The following PSAP variants were observed in gnomAD, a reference collection of about 807,000 sequenced individuals.
PSAP encodes precursor of saposins.
A neutral mutation model predicts 66.0 loss-of-function variants in PSAP; 25 were observed. That is an observed-to-expected ratio of 0.38 (90% confidence interval 0.28 to 0.53). The LOEUF (loss-of-function observed/expected upper bound fraction) is 0.53, where lower values mean the gene tolerates loss of function less well. PSAP is among the 20% of genes least tolerant of loss of function. The pLI, the probability that PSAP is intolerant of heterozygous loss-of-function variation, is 0.83. For missense variants in PSAP, 649 were observed against 668.8 expected (o/e 0.97, Z 0.33); for synonymous variants, 273 against 258.9 (o/e 1.05, Z -0.52).
chr10:71,845,438 G>A (rs900289327), intron 1 of PSAP, among the ~76,000 whole-genome samples: 1 of 152,046 alleles, frequency 6.6e-6, no homozygotes, highest in Non-Finnish European at 1.5e-5. Context: ...ACAATTTAAG[G>A]AGCAACAAGC....
intron 1 of PSAP, among the ~76,000 whole-genome samples, chr10:71,848,796 G>A (rs185002720): frequency 6.6e-6 from 1 of 152,194 alleles, no homozygotes. Context: ...ATCACAAAGG[G>A]GCCAGAGCTG....
chr10:71,851,001 C>G (rs868604867), intron 1 of PSAP, among the ~76,000 whole-genome samples, 181 bp downstream of exon 1: 8 of 152,274 alleles, frequency 5.3e-5, no homozygotes, highest in Non-Finnish European at 7.3e-5. Context: ...AGCCCGCCCC[C>G]CGCAGCCCCC....
intron 12 of PSAP, 53 bp from the exon 13 acceptor site, chr10:71,818,777 G>A (rs1842230969): frequency 4.2e-6 from 6 of 1,441,510 alleles, no homozygotes; most frequent in Non-Finnish European, 5.9e-6. Context: ...GCTGCCCGAT[G>A]TATCGCTTTC....
At chr10:71,822,929 T>C (rs1842334019) in intron 7 of PSAP, among the ~76,000 whole-genome samples, 1 of 151,400 alleles carries the variant, frequency 6.6e-6, no homozygotes, top group Admixed American at 6.6e-5. Flanking sequence ...ATACCCTGTC[T>C]CTGCCACACC....
At position 71,819,787 on chromosome 10, in the gene PSAP, C is replaced by T. The variant is rs1253208545; in HGVS notation, c.1119G>A (p.Leu373=). The T allele has an allele frequency of 6.2e-7, 1 of 1,614,098 alleles. No individual in the cohort carries two copies. The highest frequency in any genetic ancestry group is 1.1e-5 in the South Asian group (1 of 91,086). The change falls in exon 10 of 14, where the codon CTG becomes CTA. Residue 373 remains leucine, a synonymous_variant. Coordinates refer to ENST00000394936, the MANE Select transcript of PSAP (RefSeq NM_002778.4). ...TYGSSILSIL[L]EEVSPELVCS... is the part of the protein sequence containing the mutation. ...ACACCAGCTCAGGGCTGACCTCCTCCAGCAGGATGGACAGGATGGAGCTGC... is the reference window on the plus strand; with the variant it reads ...ACACCAGCTCAGGGCTGACCTCCTCTAGCAGGATGGACAGGATGGAGCTGC...
rs1186845063 is a variant in PSAP at position 71,817,442 on chromosome 10, T to C, written c.1574A>G (p.Ter525TrpextTer63). Reference protein sequence around the residue: ...VEHCKRHVWN* With the variant: ...VEHCKRHVWNW Reference sequence around the variant, plus strand: ...TGCCAAGATGGAATATTCCTCCTCCTAGTTCCACACATGGCGTTTGCAATG... The same window carrying C: ...TGCCAAGATGGAATATTCCTCCTCCCAGTTCCACACATGGCGTTTGCAATG... Residue 525 changes from the stop codon to tryptophan (W), a stop_lost, in exon 14 of 14, where the codon TAG (stop) becomes TGG (tryptophan). Transcript: ENST00000394936. The C allele has an allele frequency of 1.1e-5, 17 of 1,613,976 alleles. No homozygotes were observed. Among genetic ancestry groups the C allele is most frequent in the Non-Finnish European group, 1.4e-5 (16 of 1,179,946 alleles).
rs1041378823 is a variant in PSAP, at chr10:71,825,177, T to C, written c.777+660A>G. 2.6e-5 allele frequency among the ~76,000 whole-genome samples: 4 copies of C among 152,152 alleles called. No homozygotes were observed. The East Asian group carries it at 7.7e-4, about 29-fold the overall frequency. ...GAGAACAAACTCAAACGCTGGTATG[T>C]CAATCTCAAGTAGTCAGAAAGCATG... is the stretch of plus-strand genomic sequence containing the variant. On this transcript the variant is annotated intron_variant, in intron 7 of 13. Coordinates refer to ENST00000394936, the MANE Select transcript of PSAP (RefSeq NM_002778.4).
intron 11 of PSAP, 79 bp from the exon 12 acceptor site, chr10:71,819,190 T>C: frequency 7.7e-7 from 1 of 1,293,974 alleles, no homozygotes; most frequent in Non-Finnish European, 1.1e-6. Context: ...AGGCAGGCCC[T>C]GGATACACTG....
At chr10:71,827,526 A>G (rs1192907326) in intron 6 of PSAP, among the ~76,000 whole-genome samples, 2 of 152,112 alleles carry the variant, frequency 1.3e-5, no homozygotes, top group South Asian at 2.1e-4. Context: ...CAGGAGTTTG[A>G]GACCAGCCTG....
Position 71,817,143 on chromosome 10 carries a change from A to G in PSAP, c.*298T>C. Reference sequence around the variant, plus strand: ...GCCTCCAGTCAAGAAACTGTGGCTCATGCCAGCAGAGCTCTCTCCTCCTCC... The same window carrying G: ...GCCTCCAGTCAAGAAACTGTGGCTCGTGCCAGCAGAGCTCTCTCCTCCTCC... On this transcript the variant is annotated 3_prime_UTR_variant, in exon 14 of 14. Coordinates refer to ENST00000394936, the MANE Select transcript of PSAP (RefSeq NM_002778.4). 2 of 497,424 alleles carry G rather than the reference A, an allele frequency of 4.0e-6. No homozygotes were observed. Among genetic ancestry groups the G allele is most frequent in the African/African-American group, 1.9e-5 (1 of 51,688 alleles). 30.8% of individuals were successfully genotyped at this position (497,424 alleles called of 1,614,324 possible). A position where few individuals can be genotyped will look rare whatever the true frequency, so the allele number is the denominator to read the frequency against.
In PSAP at chr10:71,817,207, T is replaced by C; in HGVS notation, c.*234A>G. On this transcript the variant is annotated 3_prime_UTR_variant, in exon 14 of 14. Coordinates refer to ENST00000394936, the MANE Select transcript of PSAP (RefSeq NM_002778.4). ...CAAGGGCAGGCTAAAAGACCTCCAG[T>C]GCATCAACATCCATCTAGCAGAGAG... is the stretch of plus-strand genomic sequence containing the variant. The C allele has an allele frequency of 1.6e-6, 1 of 612,954 alleles. No individual in the cohort carries two copies. The highest frequency in any genetic ancestry group is 2.9e-6 in the Non-Finnish European group (1 of 342,528). 38.0% of individuals were successfully genotyped at this position (612,954 alleles called of 1,614,324 possible). A position where few individuals can be genotyped will look rare whatever the true frequency, so the allele number is the denominator to read the frequency against.
chr10:71,820,263 G>A lies in PSAP; in HGVS notation c.982C>T (p.Leu328=). 1 of 1,613,982 alleles carries A rather than the reference G, an allele frequency of 6.2e-7. No homozygotes were observed. The highest frequency in any genetic ancestry group is 1.3e-5 in the African/African-American group (1 of 75,044). ...CEFLVKEVTK[L]IDNNKTEKEI... is the part of the protein sequence containing the mutation. ...ACCTCAGTCTTGTTGTTGTCAATCAGCTTGGTCACCTCCTTCACCAGGAAT... is the reference window on the plus strand; with the variant it reads ...ACCTCAGTCTTGTTGTTGTCAATCAACTTGGTCACCTCCTTCACCAGGAAT... Residue 328 remains leucine, a synonymous_variant, in exon 9 of 14, where the codon CTG becomes TTG. Coordinates refer to ENST00000394936, the MANE Select transcript of PSAP (RefSeq NM_002778.4).
Position 71,828,218 on chromosome 10 carries a change from T to TTA in PSAP, c.577-63_577-62dup, listed in dbSNP as rs111436276. On this transcript the variant is annotated intron_variant, in intron 5 of 13. Transcript: ENST00000394936. ...GACTCAAATTCCTAGGAAAACGTCC[T>TTA]TATATACTCAGGGCTGCAGCATTAG... is the stretch of plus-strand genomic sequence containing the variant. 29 of 1,584,828 alleles carry TTA rather than the reference T, an allele frequency of 1.8e-5. No homozygotes were observed. In the African/African-American group the frequency reaches 2.3e-4, roughly 13 times the overall value.
At chr10:71,827,726 CAAA>C (rs1183654773) in intron 6 of PSAP, among the ~76,000 whole-genome samples, 1 of 84,536 alleles carries the variant, frequency 1.2e-5, no homozygotes. Flanking sequence ...CACTCAGTCT[CAAA>C]AAAAAAAAAA....
chr10:71,824,651 A>G (rs1842365988), intron 7 of PSAP, among the ~76,000 whole-genome samples: 1 of 152,256 alleles, frequency 6.6e-6, no homozygotes, highest in Non-Finnish European at 1.5e-5. Flanking sequence ...GTACAAGAAT[A>G]TTCAATGGCC....
intron 7 of PSAP, among the ~76,000 whole-genome samples, chr10:71,824,844 C>T (rs550955173): frequency 6.6e-6 from 1 of 152,314 alleles, no homozygotes; most frequent in African/African-American, 2.4e-5. Context: ...TGAGGAAGTA[C>T]TTCACGAGAT....
At position 71,816,596 on chromosome 10, in the gene PSAP, CAAGG is replaced by C. The variant is rs1418351365; in HGVS notation, c.*841_*844del. 1 of 413,810 alleles carries C rather than the reference CAAGG, an allele frequency of 2.4e-6. No individual in the cohort carries two copies. The highest frequency in any genetic ancestry group is 5.1e-6 in the Non-Finnish European group (1 of 194,840). 25.6% of individuals were successfully genotyped at this position (413,810 alleles called of 1,614,324 possible). ...AAGGTCAAAAGGAGCATCTATGAGA[CAAGG>C]GAGGGGTGCAGGCTGAAGCAGCGCC... On this transcript the variant is annotated 3_prime_UTR_variant, in exon 14 of 14. Transcript: ENST00000394936.
intron 6 of PSAP, among the ~76,000 whole-genome samples, chr10:71,827,267 C>T (rs1249520753): frequency 3.3e-5 from 5 of 151,962 alleles, no homozygotes; most frequent in East Asian, 1.9e-4. Context: ...GGCATGGTGG[C>T]GGGCACTTGT....
intron 2 of PSAP, among the ~76,000 whole-genome samples, chr10:71,833,043 AAC>A (rs1842552315): frequency 6.7e-6 from 1 of 149,588 alleles, no homozygotes; most frequent in Non-Finnish European, 1.5e-5. Context: ...AAAAAACAAA[AAC>A]AGAAGGCCGG....
Sources: gnomAD v4.1 joint callset for allele counts (sites outside exome capture counted in the v4.1 genomes callset) on GRCh38, gnomAD v4.1.1 for gene constraint, MANE v1.5 for transcripts, NCBI Gene and HGNC (gene_info 2026-07-23, HGNC 2026-07-21) for gene names.